The following SUCO variants were observed in gnomAD, a reference collection of about 807,000 sequenced individuals.
SUCO encodes SUN domain containing ossification factor.
Under a neutral mutation model 148.1 loss-of-function variants are expected in SUCO, and 57 were observed. The ratio of observed to expected loss-of-function variants is 0.38; its 90% confidence interval spans 0.31 to 0.48. The LOEUF is 0.48. Ranked by LOEUF, SUCO falls within the 20% of genes least tolerant of loss-of-function variation. The probability of loss-of-function intolerance (pLI) is 0.96; values close to 1 mark genes in which losing one functional copy is unlikely to be tolerated. For synonymous variants in SUCO, 470 were observed against 502.7 expected, an observed-to-expected ratio of 0.93 and a Z score of 0.87; for missense variants, 1,331 against 1,468.2, an observed-to-expected ratio of 0.91 and a Z score of 1.53.
chr1:172,551,139 A>G (rs1170567375), intron 1 of SUCO, among the ~76,000 whole-genome samples: 2 of 152,058 alleles, frequency 1.3e-5, no homozygotes, highest in African/African-American at 4.8e-5. Context: ...AGTTGAGGTA[A>G]CTTTAGGATT....
At chr1:172,572,640 A>G (rs1297811301) in intron 9 of SUCO, among the ~76,000 whole-genome samples, 2 of 135,552 alleles carry the variant, frequency 1.5e-5, no homozygotes, top group South Asian at 2.5e-4. Flanking sequence ...TCCCTCCACT[A>G]TTGTCCTATG....
intron 1 of SUCO, among the ~76,000 whole-genome samples, chr1:172,537,537 A>G (rs1160989131): frequency 1.3e-5 from 2 of 152,162 alleles, no homozygotes; most frequent in Non-Finnish European, 2.9e-5. Flanking sequence ...ATAATTCCTA[A>G]GTCTACCTAA....
chr1:172,586,424 G>A (rs1246158077), intron 17 of SUCO, among the ~76,000 whole-genome samples: 1 of 152,128 alleles, frequency 6.6e-6, no homozygotes, highest in Non-Finnish European at 1.5e-5. Context: ...AATCATGTAG[G>A]CCTTTCCCCA....
intron 23 of SUCO, 113 bp from the exon 24 acceptor site, chr1:172,609,701 ACT>A: frequency 6.8e-7 from 1 of 1,475,420 alleles, no homozygotes. Context: ...TGTTTATAAT[ACT>A]GTTTTACTTT....
intron 20 of SUCO, among the ~76,000 whole-genome samples, chr1:172,600,434 G>C (rs1044334534): frequency 3.3e-5 from 5 of 152,102 alleles, no homozygotes; most frequent in African/African-American, 1.2e-4. Flanking sequence ...AGCATTGATA[G>C]TAGCAACACG....
chr1:172,596,835 G>A (rs1365534429), intron 19 of SUCO, among the ~76,000 whole-genome samples: 1 of 152,222 alleles, frequency 6.6e-6, no homozygotes, highest in Non-Finnish European at 1.5e-5. Flanking sequence ...GGACGTTTAA[G>A]TCTGCAGAAA....
In SUCO at chr1:172,589,659, T is replaced by C. The variant is rs771443282; in HGVS notation, c.2558T>C (p.Leu853Ser). Residue 853 changes from leucine (L) to serine (S), a missense_variant, in exon 18 of 24, where the codon TTG becomes TCG. This residue lies in a region of SUCO where 992 missense variants were observed against 1,093.5 expected (regional missense o/e 0.91). Coordinates refer to ENST00000263688, the MANE Select transcript of SUCO (RefSeq NM_014283.5). Reference sequence around the variant, plus strand: ...ATAGCTGACACAGCAAAGCAAACTTTGATTTCTGTTGTGGATTCTTCTTCA... The same window carrying C: ...ATAGCTGACACAGCAAAGCAAACTTCGATTTCTGTTGTGGATTCTTCTTCA... ...MNIADTAKQT[L>S]ISVVDSSSLP... 1.6e-5 allele frequency: 26 copies of C among 1,613,888 alleles called. No homozygotes were observed. The Middle Eastern group carries it at 4.9e-4, about 31-fold the overall frequency.
At chr1:172,554,961 G>A (rs937952639) in intron 3 of SUCO, among the ~76,000 whole-genome samples, 5 of 151,988 alleles carry the variant, frequency 3.3e-5, no homozygotes, top group African/African-American at 1.2e-4. Flanking sequence ...CTCGATGTTT[G>A]TTTGTGCTCT....
chr1:172,558,636 GT>G (rs1653919501), intron 6 of SUCO, among the ~76,000 whole-genome samples: 1 of 152,084 alleles, frequency 6.6e-6, no homozygotes, highest in Non-Finnish European at 1.5e-5. Context: ...GGGACCAACT[GT>G]TTTGACGATG....
In SUCO at chr1:172,588,977, A is replaced by G; in HGVS notation, c.1876A>G (p.Ile626Val). 4 of 1,610,430 alleles carry G rather than the reference A, an allele frequency of 2.5e-6. No homozygotes were observed. The highest frequency in any genetic ancestry group is 2.5e-6 in the Non-Finnish European group (3 of 1,178,260). Residue 626 changes from isoleucine (I) to valine (V), a missense_variant, in exon 18 of 24, where the codon ATT (isoleucine) becomes GTT (valine). Ile to Val is a conservative substitution (Grantham distance 29, BLOSUM62 3). Coordinates refer to ENST00000263688, the MANE Select transcript of SUCO (RefSeq NM_014283.5). ...FCSELTTICC[I>V]SSFSEYIYKW... ...CAGTGAACTGACCACAATTTGTTGTATTTCTAGTTTTTCAGAATACATATA... is the reference window on the plus strand; with the variant it reads ...CAGTGAACTGACCACAATTTGTTGTGTTTCTAGTTTTTCAGAATACATATA...
At chr1:172,602,239 C>A (rs1352207039) in intron 21 of SUCO, 21 bp downstream of exon 21, 1 of 1,555,256 alleles carries the variant, frequency 6.4e-7, no homozygotes, top group Non-Finnish European at 8.7e-7. Context: ...CATTATATTT[C>A]ACAATTTTAT....
chr1:172,564,195 T>C (rs938768135), intron 6 of SUCO, among the ~76,000 whole-genome samples: 7 of 152,204 alleles, frequency 4.6e-5, no homozygotes, highest in Non-Finnish European at 7.4e-5. Context: ...AGGGGAAATA[T>C]GGGGTGGGAA....
At position 172,609,872 on chromosome 1, in the gene SUCO, A is replaced by G. The variant is rs1658101526; in HGVS notation, c.3378A>G (p.Pro1126=). The change falls in exon 24 of 24, where the codon CCA becomes CCG. Residue 1126 remains proline (P), a synonymous_variant. Coordinates refer to ENST00000263688, the MANE Select transcript of SUCO (RefSeq NM_014283.5). ...TTGAGACCATAAAGCCTGAAGAACC[A>G]TTGCACCCCATAGCCAATGGCGACA... ...EKIETIKPEE[P]LHPIANGDIK... 2 of 1,613,502 alleles carry G rather than the reference A, an allele frequency of 1.2e-6. No individual in the cohort carries two copies. Among genetic ancestry groups the G allele is most frequent in the East Asian group, 2.2e-5 (1 of 44,870 alleles).
At chr1:172,558,715 A>T (rs529468047) in intron 6 of SUCO, among the ~76,000 whole-genome samples, 1 of 152,242 alleles carries the variant, frequency 6.6e-6, no homozygotes, top group Non-Finnish European at 1.5e-5. Flanking sequence ...TTTCTCAGTG[A>T]TACCAAATCA....
At chr1:172,543,822 C>T (rs1417266697) in intron 1 of SUCO, among the ~76,000 whole-genome samples, 2 of 151,956 alleles carry the variant, frequency 1.3e-5, no homozygotes, top group African/African-American at 4.8e-5. Flanking sequence ...GAAAGAGGCC[C>T]AGTATGCTCT....
At position 172,610,346 on chromosome 1, in the gene SUCO, A is replaced by T; in HGVS notation, c.*87A>T. Reference sequence around the variant, plus strand: ...AGTATTTGAAGGGTTTGGGGGAGGGAGAAAATATTAATGGGAAAGGCATTC... The same window carrying T: ...AGTATTTGAAGGGTTTGGGGGAGGGTGAAAATATTAATGGGAAAGGCATTC... On this transcript the variant is annotated 3_prime_UTR_variant, in exon 24 of 24. Transcript: ENST00000263688. 1 of 1,449,738 alleles carries T rather than the reference A, an allele frequency of 6.9e-7. No individual in the cohort carries two copies. Among genetic ancestry groups the T allele is most frequent in the South Asian group, 1.6e-5 (1 of 63,562 alleles). 89.8% of individuals were successfully genotyped at this position (1,449,738 alleles called of 1,614,324 possible).
In SUCO at chr1:172,570,738, A is replaced by T; in HGVS notation, c.1049+8A>T. On this transcript the variant is annotated splice_region_variant and intron_variant, in intron 9 of 23. Coordinates refer to ENST00000263688, the MANE Select transcript of SUCO (RefSeq NM_014283.5). ...TTGCAGCACTAAAATTTGGTGAGTTATACACAATTTTAAAAAGTACATTCT... is the reference window on the plus strand; with the variant it reads ...TTGCAGCACTAAAATTTGGTGAGTTTTACACAATTTTAAAAAGTACATTCT... 1 of 1,570,516 alleles carries T rather than the reference A, an allele frequency of 6.4e-7. No individual in the cohort carries two copies. The highest frequency in any genetic ancestry group is 8.7e-7 in the Non-Finnish European group (1 of 1,143,398).
Position 172,602,186 on chromosome 1 carries a change from TC to T in SUCO, c.3143del (p.Pro1048LeufsTer19), listed in dbSNP as rs761238449. On this transcript the variant is annotated frameshift_variant, in exon 21 of 24. Transcript: ENST00000263688. LOFTEE classifies it high-confidence loss of function. Reference protein sequence around the residue: ...QFDGDYISKLPKSNQYPSPKR... With the variant: ...QFDGDYISKLXKSNQYPSPKR... ...TTGATGGAGATTATATTTCAAAACTTCCTAAAAGTAATCAGTATCCAAGCCC... is the reference window on the plus strand; with the variant it reads ...TTGATGGAGATTATATTTCAAAACTTCTAAAAGTAATCAGTATCCAAGCCC... The T allele has an allele frequency of 6.2e-7, 1 of 1,613,086 alleles. No individual in the cohort carries two copies. The highest frequency in any genetic ancestry group is 8.5e-7 in the Non-Finnish European group (1 of 1,179,582).
chr1:172,574,170 C>T (rs992925283), intron 10 of SUCO, among the ~76,000 whole-genome samples, 172 bp downstream of exon 10: 1 of 151,998 alleles, frequency 6.6e-6, no homozygotes, highest in Non-Finnish European at 1.5e-5. Flanking sequence ...AATCACTTAC[C>T]TTTTACCTTC....
Sources: allele counts gnomAD v4.1 joint callset (sites outside exome capture counted in the v4.1 genomes callset), GRCh38; gene constraint gnomAD v4.1.1; regional missense constraint gnomAD v4.1.1; transcripts MANE v1.5; gene names NCBI Gene and HGNC (gene_info 2026-07-23, HGNC 2026-07-21).